Variants in PCDHA5 observed in about 807,000 individuals in gnomAD.
PCDHA5 encodes the protein protocadherin alpha-5.
In PCDHA5, 43 loss-of-function variants were observed where a neutral mutation model predicts 61.6. That is an observed-to-expected ratio of 0.70 (90% CI 0.55 to 0.90). PCDHA5 has a LOEUF of 0.90. Ranked by LOEUF, PCDHA5 falls within the 40% of genes least tolerant of loss-of-function variation. The pLI is 0.00. For synonymous variants in PCDHA5, 627 were observed against 543.9 expected (o/e 1.15, Z -2.13); for missense variants, 1,298 against 1,222.7 (o/e 1.06, Z -0.92).
In PCDHA5 at chr5:140,824,615, T is replaced by TG. The variant is rs1195516924; in HGVS notation, c.2352+488_2352+489insG. 2.4e-5 allele frequency: 3 copies of TG among 126,010 alleles called. No individual in the cohort carries two copies. The East Asian group carries it at 6.2e-4, about 26-fold the overall frequency. 7.8% of individuals were successfully genotyped at this position (126,010 alleles called of 1,614,324 possible). On this transcript the variant is annotated intron_variant, in intron 1 of 3. Transcript: ENST00000529859. ...ACATGCACATGCTAATTAAAGTTTT[T>TG]TTTTTTTTTTTTTTTTTATTTTCTG...
At chr5:140,875,830 G>T in intron 1 of PCDHA5, 1 of 1,614,226 alleles carries the variant, frequency 6.2e-7, no homozygotes, top group South Asian at 1.1e-5. Context: ...TTTCCATGTG[G>T]ACGTGGAGGT....
intron 1 of PCDHA5, chr5:140,883,754 G>C: frequency 3.1e-6 from 5 of 1,613,118 alleles, no homozygotes; most frequent in Non-Finnish European, 4.2e-6. Flanking sequence ...CTCGCTGGTG[G>C]AGCGGCGGGT....
chr5:140,828,653 G>A, intron 1 of PCDHA5: 5 of 1,614,156 alleles, frequency 3.1e-6, no homozygotes, highest in Non-Finnish European at 4.2e-6. Context: ...AAACAGTGAT[G>A]ACAATAAACA....
intron 1 of PCDHA5, chr5:140,836,445 G>A: frequency 3.1e-6 from 5 of 1,613,836 alleles, no homozygotes; most frequent in Non-Finnish European, 4.2e-6. Flanking sequence ...GGGCATTGCA[G>A]GCCCAGAGAC....
intron 3 of PCDHA5, among the ~76,000 whole-genome samples, chr5:140,989,670 C>G (rs907417768): frequency 6.6e-6 from 1 of 152,104 alleles, no homozygotes. Flanking sequence ...GAAACTCTGC[C>G]CAGATTTCAA....
In PCDHA5 at chr5:140,972,316, G is replaced by GT. The variant is rs112435719; in HGVS notation, c.2353-6621dup. On this transcript the variant is annotated intron_variant, in intron 1 of 3. Coordinates refer to ENST00000529859, the MANE Select transcript of PCDHA5 (RefSeq NM_018908.3). ...CACCGTGTCTGACTAGTTTTTAGGT[G>GT]TTTTTTTTTTTTGGAAGAGATGGGG... 6.7e-3 allele frequency among the ~76,000 whole-genome samples: 929 copies of GT among 139,652 alleles called. 6 individuals carry two copies. The highest frequency in any genetic ancestry group is 0.017 in the African/African-American group (645 of 38,294). The allele number at this position is 139,652 out of a possible 152,430, so 91.6% of individuals were successfully genotyped here.
At chr5:140,980,149 A>G (rs1287895980) in intron 2 of PCDHA5, among the ~76,000 whole-genome samples, 1 of 152,184 alleles carries the variant, frequency 6.6e-6, no homozygotes, top group East Asian at 1.9e-4. Flanking sequence ...ATTCATGCAT[A>G]TACCAGAATA....
rs1215014992 is a variant in PCDHA5, at chr5:140,859,892, AT to A, written c.2352+35766del. 2.6e-5 allele frequency: 4 copies of A among 152,144 alleles called. No individual in the cohort carries two copies. The East Asian group carries it at 7.7e-4, about 29-fold the overall frequency. The allele number at this position is 152,144 out of a possible 1,614,324, so 9.4% of individuals were successfully genotyped here. On this transcript the variant is annotated intron_variant, in intron 1 of 3. Transcript: ENST00000529859. ...TCCCCCTCTGATATTTTGAAAAAAAATCTTCCTTAATGTCTTATATTATAAG... is the reference window on the plus strand; with the variant it reads ...TCCCCCTCTGATATTTTGAAAAAAAACTTCCTTAATGTCTTATATTATAAG...
chr5:140,869,180 T>C (rs782798909), intron 1 of PCDHA5: 1 of 1,613,322 alleles, frequency 6.2e-7, no homozygotes, highest in Admixed American at 1.7e-5. Flanking sequence ...TTCTGGGAGG[T>C]GGGGAGCGGC....
Position 140,946,525 on chromosome 5 carries a change from A to G in PCDHA5, c.2353-32424A>G, listed in dbSNP as rs115610574. On this transcript the variant is annotated intron_variant, in intron 1 of 3. Transcript: ENST00000529859. ...ATGTCAAAGACCTATCCGCACTCCC[A>G]TGTTCATTGCAGCATTATTCATGAT... 6.9e-3 allele frequency among the ~76,000 whole-genome samples: 1,050 copies of G among 151,290 alleles called. 19 individuals carry two copies. The highest frequency in any genetic ancestry group is 0.024 in the African/African-American group (983 of 41,050).
intron 1 of PCDHA5, chr5:140,829,092 G>T (rs2150162526): frequency 6.2e-7 from 1 of 1,611,480 alleles, no homozygotes; most frequent in South Asian, 1.1e-5. Flanking sequence ...GCGGGTCATT[G>T]CACCGTTTTA....
intron 1 of PCDHA5, among the ~76,000 whole-genome samples, chr5:140,827,296 A>G (rs1554130748): frequency 6.6e-6 from 1 of 152,262 alleles, no homozygotes; most frequent in East Asian, 1.9e-4. Flanking sequence ...AAAACAGCAA[A>G]GCACAATGGG....
chr5:140,905,632 G>A lies in PCDHA5; in HGVS notation c.2353-73317G>A, dbSNP rs146826869. 9.9e-4 allele frequency among the ~76,000 whole-genome samples: 150 copies of A among 152,224 alleles called. 1 individual carries two copies. Among genetic ancestry groups the A allele is most frequent in the African/African-American group, 3.4e-3 (141 of 41,546 alleles). ...TCTATAGATTGCTTTTGACAGTATG[G>A]TCAGTTTCACAGTATTGATTCCTGT... On this transcript the variant is annotated intron_variant, in intron 1 of 3. Transcript: ENST00000529859.
rs782226531 is a variant in PCDHA5, at chr5:140,928,688, A to G, written c.2353-50261A>G. 6 of 1,614,004 alleles carry G rather than the reference A, an allele frequency of 3.7e-6. No homozygotes were observed. The African/African-American group carries it at 4.0e-5, about 11-fold the overall frequency. The stretch of plus-strand genomic sequence containing the variant: ...GGTTCTAATGCCTGGCTTTCCTACC[A>G]CATCTCCCGGGCGTCTGACTCTAGT... On this transcript the variant is annotated intron_variant, in intron 1 of 3. Transcript: ENST00000529859.
At chr5:140,834,413 G>C in intron 1 of PCDHA5, 3 of 1,611,242 alleles carry the variant, frequency 1.9e-6, no homozygotes, top group Non-Finnish European at 2.5e-6. Context: ...ACGACCCAGG[G>C]GGCCGACATC....
chr5:140,841,166 TG>T, intron 1 of PCDHA5: 1 of 946,216 alleles, frequency 1.1e-6, no homozygotes, highest in Non-Finnish European at 1.6e-6. Context: ...CAAGAAGTTC[TG>T]GTTGGTCAAT....
At chr5:140,966,448 C>T (rs1198594007) in intron 1 of PCDHA5, 2 of 425,466 alleles carry the variant, frequency 4.7e-6, no homozygotes, top group Non-Finnish European at 8.2e-6. Context: ...TCCCTTTCCC[C>T]CTCCCCCTCT....
At chr5:140,891,040 C>G (rs2062916193) in intron 1 of PCDHA5, among the ~76,000 whole-genome samples, 1 of 144,978 alleles carries the variant, frequency 6.9e-6, no homozygotes, top group Admixed American at 6.6e-5. Context: ...TTAGGTGTGA[C>G]CCCCACAGCA....
chr5:140,929,557 A>G (rs782792383), intron 1 of PCDHA5: 64 of 478,142 alleles, frequency 1.3e-4, no homozygotes, highest in Non-Finnish European at 1.9e-4. Flanking sequence ...ATTAAAACCT[A>G]TTTAAGAACA....
Sources: allele counts gnomAD v4.1 joint callset (sites outside exome capture counted in the v4.1 genomes callset), GRCh38; gene constraint gnomAD v4.1.1; transcripts MANE v1.5; gene names NCBI Gene and HGNC (gene_info 2026-07-23, HGNC 2026-07-21).